Variants in DIAPH3 observed in about 807,000 individuals in gnomAD.
DIAPH3 encodes the protein diaphanous related formin 3.
Under a neutral mutation model 144.3 loss-of-function variants are expected in DIAPH3, and 117 were observed. The ratio of observed to expected loss-of-function variants is 0.81; its 90% CI spans 0.70 to 0.95. The LOEUF is 0.95. Ranked by LOEUF, DIAPH3 falls within the 40% of genes least tolerant of loss-of-function variation. The pLI is 0.00. For synonymous variants in DIAPH3, 519 were observed against 488.9 expected (o/e 1.06, Z -0.81); for missense variants, 1,421 against 1,412.7 (o/e 1.01, Z -0.09).
At chr13:59,839,179 T>C (rs2042203756) in intron 23 of DIAPH3, 145 bp downstream of exon 23, 1 of 834,140 alleles carries the variant, frequency 1.2e-6, no homozygotes, top group Admixed American at 2.2e-5. Flanking sequence ...CTTTGATAAA[T>C]TTCCCTGCAA....
Position 60,010,603 on chromosome 13 carries a change from T to C in DIAPH3, c.838A>G (p.Arg280Gly), listed in dbSNP as rs965318005. The change falls in exon 8 of 28, where the codon AGA becomes GGA. Residue 280 changes from arginine (R) to glycine (G), a missense_variant. Coordinates refer to ENST00000400324, the MANE Select transcript of DIAPH3 (RefSeq NM_001042517.2). ...ACATCTGTCATCATATTGGGGTGTCTGGGATCCACGGCTTTGGCCAATAAG... is the reference window on the plus strand; with the variant it reads ...ACATCTGTCATCATATTGGGGTGTCCGGGATCCACGGCTTTGGCCAATAAG... ...LSLLAKAVDP[R>G]HPNMMTDVVK... is the part of the protein sequence containing the mutation. 11 of 1,613,672 alleles carry C rather than the reference T, an allele frequency of 6.8e-6. No individual in the cohort carries two copies. In the South Asian group the frequency reaches 9.9e-5, roughly 15 times the overall value.
chr13:60,096,586 G>A (rs2058111168), intron 3 of DIAPH3, among the ~76,000 whole-genome samples: 1 of 152,166 alleles, frequency 6.6e-6, no homozygotes, highest in African/African-American at 2.4e-5. Context: ...TTGAATCATT[G>A]GACTGTAAGT....
rs1452399729 is a variant in DIAPH3 at position 59,927,652 on chromosome 13, G to A, written c.2075-2782C>T. ...CACCTGTGAAGAACAGCTATACTGAGTAAAGCATTCTTACCTGACAGTTAT... is the reference window on the plus strand; with the variant it reads ...CACCTGTGAAGAACAGCTATACTGAATAAAGCATTCTTACCTGACAGTTAT... On this transcript the variant is annotated intron_variant, in intron 17 of 27. Transcript: ENST00000400324. 3.3e-5 allele frequency among the ~76,000 whole-genome samples: 5 copies of A among 152,220 alleles called. No homozygotes were observed. In the East Asian group the frequency reaches 9.7e-4, roughly 29 times the overall value.
chr13:60,122,776 A>C (rs2058880888), intron 2 of DIAPH3, among the ~76,000 whole-genome samples: 1 of 152,166 alleles, frequency 6.6e-6, no homozygotes, highest in East Asian at 1.9e-4. Flanking sequence ...AGGATAACTT[A>C]TGTTATTTAA....
At chr13:59,944,693 T>C (rs1417488759) in intron 17 of DIAPH3, among the ~76,000 whole-genome samples, 3 of 152,118 alleles carry the variant, frequency 2.0e-5, no homozygotes, top group Non-Finnish European at 2.9e-5. Flanking sequence ...TTTGATAGTT[T>C]GTTTAAATAT....
chr13:59,915,142 C>T (rs2047167239), intron 19 of DIAPH3, among the ~76,000 whole-genome samples: 1 of 151,918 alleles, frequency 6.6e-6, no homozygotes, highest in South Asian at 2.1e-4. Context: ...AGGAAGTTGG[C>T]ATCTATTCCT....
At chr13:59,939,102 A>C (rs1021033264) in intron 17 of DIAPH3, among the ~76,000 whole-genome samples, 1 of 152,170 alleles carries the variant, frequency 6.6e-6, no homozygotes, top group African/African-American at 2.4e-5. Context: ...CAAATGAAGA[A>C]CAAAAATCTA....
intron 12 of DIAPH3, among the ~76,000 whole-genome samples, chr13:59,989,427 A>G (rs927304886): frequency 1.3e-5 from 2 of 151,872 alleles, no homozygotes; most frequent in Non-Finnish European, 2.9e-5. Flanking sequence ...AACAACAATA[A>G]TAAATAGGAG....
At chr13:59,729,596 C>T (rs777847896) in intron 27 of DIAPH3, among the ~76,000 whole-genome samples, 19 of 151,668 alleles carry the variant, frequency 1.3e-4, no homozygotes, top group Admixed American at 2.6e-4. Context: ...GTTATTTATA[C>T]GTGTGATAAA....
intron 4 of DIAPH3, among the ~76,000 whole-genome samples, chr13:60,043,132 A>C (rs540778570): frequency 6.6e-6 from 1 of 152,212 alleles, no homozygotes; most frequent in Admixed American, 6.5e-5. Flanking sequence ...TTTTAGGCAC[A>C]CACAAAATAA....
chr13:60,069,763 T>C (rs976546930), intron 4 of DIAPH3, among the ~76,000 whole-genome samples: 17 of 152,198 alleles, frequency 1.1e-4, no homozygotes, highest in African/African-American at 3.9e-4. Context: ...TATTGTCAAC[T>C]TTGTCAAAGA....
At chr13:59,908,738 T>G (rs930540253) in intron 20 of DIAPH3, among the ~76,000 whole-genome samples, 6 of 152,240 alleles carry the variant, frequency 3.9e-5, no homozygotes, top group African/African-American at 1.4e-4. Flanking sequence ...AAACTTAAAC[T>G]TAGTGGCAAG....
intron 4 of DIAPH3, among the ~76,000 whole-genome samples, chr13:60,053,259 T>A (rs148315245): frequency 7.2e-5 from 11 of 152,128 alleles, no homozygotes; most frequent in South Asian, 2.1e-4. Flanking sequence ...CGGCTGCATA[T>A]CTTTAAGTCC....
chr13:59,786,455 T>C (rs1018977756), intron 25 of DIAPH3, among the ~76,000 whole-genome samples: 1 of 152,202 alleles, frequency 6.6e-6, no homozygotes, highest in Admixed American at 6.5e-5. Context: ...CATATTGTTA[T>C]TAATTCTTAA....
intron 23 of DIAPH3, among the ~76,000 whole-genome samples, chr13:59,833,728 G>A (rs558685028): frequency 3.6e-4 from 54 of 151,658 alleles, no homozygotes; most frequent in Non-Finnish European, 6.9e-4. Context: ...CTGTGGGCAA[G>A]TGCCTTCATG....
At chr13:60,068,195 TG>T (rs985765188) in intron 4 of DIAPH3, among the ~76,000 whole-genome samples, 5 of 152,222 alleles carry the variant, frequency 3.3e-5, no homozygotes, top group Non-Finnish European at 5.9e-5. Flanking sequence ...GCTCATCTAT[TG>T]GTGCTTTCAT....
intron 2 of DIAPH3, among the ~76,000 whole-genome samples, chr13:60,123,875 T>C (rs1467349560): frequency 1.3e-5 from 2 of 152,220 alleles, no homozygotes; most frequent in African/African-American, 4.8e-5. Context: ...GATAAAACTA[T>C]CTTAAATAAT....
intron 20 of DIAPH3, among the ~76,000 whole-genome samples, chr13:59,894,600 T>C (rs995757179): frequency 1.9e-5 from 2 of 106,606 alleles, no homozygotes; most frequent in African/African-American, 7.5e-5. Flanking sequence ...AGCACATAAA[T>C]AGAATGAGAA....
chr13:59,720,575 A>G (rs546179292), intron 27 of DIAPH3, among the ~76,000 whole-genome samples: 1 of 152,280 alleles, frequency 6.6e-6, no homozygotes, highest in East Asian at 1.9e-4. Context: ...TGCAACTAGA[A>G]CATCCAGTCA....
Sources: allele counts gnomAD v4.1 joint callset (sites outside exome capture counted in the v4.1 genomes callset), GRCh38; gene constraint gnomAD v4.1.1; transcripts MANE v1.5; gene names NCBI Gene and HGNC (gene_info 2026-07-23, HGNC 2026-07-21).